Variants in CASC3 observed in about 807,000 individuals in gnomAD.
The protein encoded by CASC3 is CASC3 exon junction complex subunit, also known as protein CASC3.
CASC3 carries 30 observed loss-of-function variants against 80.5 expected under a neutral mutation model. The observed-to-expected ratio is 0.37, with a 90% CI of 0.28 to 0.51. The LOEUF (loss-of-function observed/expected upper bound fraction) is 0.51, where lower values mean the gene tolerates loss of function less well. Among genes scored for constraint, CASC3 ranks in the 20% least tolerant of loss-of-function variants. The pLI, the probability that CASC3 is intolerant of heterozygous loss-of-function variation, is 0.94. For missense variants in CASC3, 824 were observed against 922.2 expected (o/e 0.89, Z 1.38); for synonymous variants, 312 against 333.6 (o/e 0.94, Z 0.70).
intron 3 of CASC3, among the ~76,000 whole-genome samples, chr17:40,160,497 G>GAAA (rs948310970): frequency 3.9e-5 from 5 of 127,288 alleles, no homozygotes; most frequent in Non-Finnish European, 8.5e-5. Context: ...TCTCAAAACA[G>GAAA]AAAAAAAAAA....
intron 7 of CASC3, among the ~76,000 whole-genome samples, chr17:40,165,262 A>G (rs1054994361): frequency 5.3e-5 from 8 of 150,970 alleles, no homozygotes; most frequent in South Asian, 2.1e-4. Flanking sequence ...ATGGGGTTTC[A>G]TTATGTTGGC....
Position 40,164,124 on chromosome 17 carries a change from A to T in CASC3, c.1429A>T (p.Ser477Cys), listed in dbSNP as rs1179878668. 1.2e-6 allele frequency: 2 copies of T among 1,611,540 alleles called. No homozygotes were observed. The highest frequency in any genetic ancestry group is 1.7e-6 in the Non-Finnish European group (2 of 1,179,618). The change falls in exon 7 of 14, where the codon AGT (serine) becomes TGT (cysteine). Residue 477 changes from serine to cysteine, a missense_variant. Physicochemically the swap from Ser to Cys is moderately radical, Grantham distance 112 (BLOSUM62 -1). Transcript: ENST00000264645. Reference sequence around the variant, plus strand: ...ACTAAATATAGCAGAACAGAATTGGAGTCCGGGGCAGCCTTCTTTCCTGCA... The same window carrying T: ...ACTAAATATAGCAGAACAGAATTGGTGTCCGGGGCAGCCTTCTTTCCTGCA... ...AQLNIAEQNWSPGQPSFLQPR... is the reference protein window; with the variant it reads ...AQLNIAEQNWCPGQPSFLQPR...
At chr17:40,144,497 AC>A (rs904759901) in intron 3 of CASC3, among the ~76,000 whole-genome samples, 4 of 150,850 alleles carry the variant, frequency 2.7e-5, no homozygotes, top group African/African-American at 9.7e-5. Flanking sequence ...GGTGCACACC[AC>A]CACACCCAGC....
At chr17:40,151,402 G>C (rs1989004097) in intron 3 of CASC3, among the ~76,000 whole-genome samples, 1 of 152,056 alleles carries the variant, frequency 6.6e-6, no homozygotes, top group Admixed American at 6.6e-5. Context: ...AGTAGAGATG[G>C]AATTTTGTCA....
At chr17:40,164,315 G>A (rs1329232443) in intron 7 of CASC3, 149 bp downstream of exon 7, 13 of 735,292 alleles carry the variant, frequency 1.8e-5, no homozygotes, top group Non-Finnish European at 2.8e-5. Flanking sequence ...CCAGGCTGGA[G>A]TGCAGTGGCG....
At chr17:40,159,492 C>T (rs1257066178) in intron 3 of CASC3, among the ~76,000 whole-genome samples, 1 of 151,008 alleles carries the variant, frequency 6.6e-6, no homozygotes, top group East Asian at 1.9e-4. Flanking sequence ...TCTCCCGCCT[C>T]AGCCTCCTGA....
At chr17:40,148,829 T>C (rs996535488) in intron 3 of CASC3, among the ~76,000 whole-genome samples, 1 of 152,258 alleles carries the variant, frequency 6.6e-6, no homozygotes, top group Non-Finnish European at 1.5e-5. Flanking sequence ...TGCTTTGTTA[T>C]GCACTTACAT....
intron 3 of CASC3, among the ~76,000 whole-genome samples, chr17:40,144,448 G>A (rs1050285402): frequency 3.3e-5 from 5 of 150,216 alleles, no homozygotes; most frequent in Admixed American, 2.0e-4. Flanking sequence ...GGGTTCAAGC[G>A]ATTCTCCTGT....
At position 40,171,701 on chromosome 17, in the gene CASC3, A is replaced by C. The variant is rs1989597408; in HGVS notation, c.*1296A>C. On this transcript the variant is annotated 3_prime_UTR_variant, in exon 14 of 14. Transcript: ENST00000264645. The stretch of plus-strand genomic sequence containing the variant: ...GAAGAGATTCCTATTACTGCAGTAC[A>C]TACGTCTGCCAGGGGTAACCTGGCC... 9.0e-7 allele frequency: 1 copy of C among 1,110,086 alleles called. No individual in the cohort carries two copies. Among genetic ancestry groups the C allele is most frequent in the Non-Finnish European group, 1.1e-6 (1 of 901,870 alleles). The allele number at this position is 1,110,086 out of a possible 1,614,324, so 68.8% of individuals were successfully genotyped here.
chr17:40,157,347 A>C (rs1173039009), intron 3 of CASC3, among the ~76,000 whole-genome samples: 2 of 144,894 alleles, frequency 1.4e-5, no homozygotes, highest in Non-Finnish European at 3.0e-5. Context: ...CGTCTCAAAT[A>C]AATAAATAAA....
chr17:40,140,731 G>A lies in CASC3; in HGVS notation c.183G>A (p.Leu61=). 6.5e-7 allele frequency: 1 copy of A among 1,545,864 alleles called. No homozygotes were observed. Among genetic ancestry groups the A allele is most frequent in the Non-Finnish European group, 8.7e-7 (1 of 1,147,058 alleles). ...QRGGRTGALH[L]RRVESGGAKS... The stretch of plus-strand genomic sequence containing the variant: ...GAGGCCGAACCGGGGCCCTTCATCT[G>A]CGGCGGGTGGAGAGCGGGGGCGCCA... The change falls in exon 1 of 14, where the codon CTG becomes CTA. Residue 61 remains leucine (L), a synonymous_variant. Transcript: ENST00000264645.
chr17:40,140,614 C>A lies in CASC3; in HGVS notation c.66C>A (p.Gly22=), dbSNP rs748890511. ...DTEDEESGAS[G]SDSGGSPLRG... ...AGGACGAGGAATCTGGTGCTTCGGG[C>A]TCCGACAGCGGCGGCTCCCCGTTGC... The change falls in exon 1 of 14, where the codon GGC becomes GGA. Residue 22 remains glycine (G), a synonymous_variant. Transcript: ENST00000264645. The A allele has an allele frequency of 1.9e-6, 3 of 1,611,042 alleles. No individual in the cohort carries two copies. The highest frequency in any genetic ancestry group is 1.3e-5 in the African/African-American group (1 of 74,722).
intron 3 of CASC3, among the ~76,000 whole-genome samples, chr17:40,142,794 G>T (rs140262628): frequency 0.026 from 3,918 of 152,102 alleles, 69 homozygotes; most frequent in Middle Eastern, 0.044. Flanking sequence ...CCAGCTACTC[G>T]GGAGGCTGAG....
intron 3 of CASC3, 43 bp from the exon 4 acceptor site, chr17:40,161,710 G>T: frequency 6.3e-7 from 1 of 1,584,878 alleles, no homozygotes; most frequent in Non-Finnish European, 8.7e-7. Flanking sequence ...AAAATGCACC[G>T]TTCAGATCTT....
intron 3 of CASC3, among the ~76,000 whole-genome samples, chr17:40,145,052 G>T (rs534082942): frequency 1.3e-5 from 2 of 151,446 alleles, no homozygotes; most frequent in South Asian, 4.2e-4. Flanking sequence ...GTAGAGATGG[G>T]GTTTCACCAT....
intron 2 of CASC3, 89 bp downstream of exon 2, chr17:40,141,323 C>CT: frequency 7.9e-7 from 1 of 1,258,450 alleles, no homozygotes; most frequent in Non-Finnish European, 1.2e-6. Flanking sequence ...TTCTCACACA[C>CT]TGTCACGGAT....
At chr17:40,146,257 A>G (rs1988857325) in intron 3 of CASC3, among the ~76,000 whole-genome samples, 1 of 152,102 alleles carries the variant, frequency 6.6e-6, no homozygotes, top group Non-Finnish European at 1.5e-5. Context: ...ATTCAGAGTT[A>G]GAAGTGGTTT....
At chr17:40,161,498 G>GTGAA (rs1468408628) in intron 3 of CASC3, among the ~76,000 whole-genome samples, 3 of 152,132 alleles carry the variant, frequency 2.0e-5, no homozygotes, top group Non-Finnish European at 4.4e-5. Flanking sequence ...GGCCAACATG[G>GTGAA]TGAAACCTGG....
chr17:40,157,544 A>G (rs1420976145), intron 3 of CASC3, among the ~76,000 whole-genome samples: 1 of 151,574 alleles, frequency 6.6e-6, no homozygotes, highest in Non-Finnish European at 1.5e-5. Context: ...GAGTGGTGGC[A>G]TACGCCTGTA....
Sources: gnomAD v4.1 joint callset for allele counts (sites outside exome capture counted in the v4.1 genomes callset) on GRCh38, gnomAD v4.1.1 for gene constraint, MANE v1.5 for transcripts, NCBI Gene and HGNC (gene_info 2026-07-23, HGNC 2026-07-21) for gene names.